The following ETV6 variants were observed in gnomAD, a reference collection of about 807,000 sequenced individuals.
ETV6 encodes ETS variant transcription factor 6.
Under a neutral mutation model 51.1 loss-of-function variants are expected in ETV6, and 16 were observed. That is an observed-to-expected ratio of 0.31 (90% CI 0.21 to 0.48). The LOEUF is 0.48. ETV6 is among the 20% of genes least tolerant of loss of function. The probability of loss-of-function intolerance (pLI) is 0.99; values close to 1 mark genes in which losing one functional copy is unlikely to be tolerated. For synonymous variants in ETV6, 240 were observed against 224.1 expected, an observed-to-expected ratio of 1.07 and a Z score of -0.64; for missense variants, 458 against 594.8, an observed-to-expected ratio of 0.77 and a Z score of 2.39.
chr12:11,807,680 T>C (rs1034387274), intron 2 of ETV6, among the ~76,000 whole-genome samples: 1 of 152,226 alleles, frequency 6.6e-6, no homozygotes, highest in Non-Finnish European at 1.5e-5. Flanking sequence ...ATGTCCTATT[T>C]ACAGAGGGAG....
chr12:11,869,795 C>G lies in ETV6; in HGVS notation c.835C>G (p.Leu279Val). The change falls in exon 5 of 8, where the codon CTG becomes GTG. Residue 279 changes from leucine to valine, a missense_variant. Leu to Val is a conservative substitution (Grantham distance 32). This residue lies in a region of ETV6 where 293 missense variants were observed against 315.7 expected (regional missense o/e 0.93). Transcript: ENST00000396373. This position sits in a 1 kb window ranked among gnomAD's most constrained non-coding sequence, Gnocchi z 5.0. The part of the protein sequence containing the change: ...MPSPIMHPLI[L>V]NPRHSVDFKQ... ...CAGCCCCATCATGCACCCTCTGATC[C>G]TGAACCCCCGGCACTCCGTGGATTT... 6.2e-7 allele frequency: 1 copy of G among 1,613,318 alleles called. No individual in the cohort carries two copies.
intron 1 of ETV6, among the ~76,000 whole-genome samples, chr12:11,683,092 C>T (rs60929814): frequency 0.012 from 1,870 of 152,326 alleles, 42 homozygotes; most frequent in African/African-American, 0.043. Flanking sequence ...ATCGCTCTCT[C>T]GCCCAGGCTT....
intron 2 of ETV6, among the ~76,000 whole-genome samples, chr12:11,807,447 T>C (rs1945845173): frequency 6.6e-6 from 1 of 152,158 alleles, no homozygotes; most frequent in South Asian, 2.1e-4. Context: ...ACGGTAACCC[T>C]GGGCAGGAAT....
In ETV6 at chr12:11,892,755, C is replaced by CTGAG. The variant is rs1555149123; in HGVS notation, c.*1711_*1714dup. The stretch of plus-strand genomic sequence containing the variant: ...CCCCTGGGCTTCTCCCCAGCTTTTT[C>CTGAG]TGAGTTGAGTCAGACATGTAGAGTT... On this transcript the variant is annotated 3_prime_UTR_variant, in exon 8 of 8. Coordinates refer to ENST00000396373, the MANE Select transcript of ETV6 (RefSeq NM_001987.5). The CTGAG allele has an allele frequency of 4.3e-6, 1 of 232,938 alleles. No individual in the cohort carries two copies. Among genetic ancestry groups the CTGAG allele is most frequent in the African/African-American group, 2.2e-5 (1 of 45,324 alleles). The allele number at this position is 232,938 out of a possible 1,614,324, so 14.4% of individuals were successfully genotyped here.
intron 5 of ETV6, among the ~76,000 whole-genome samples, chr12:11,876,573 C>T (rs1221852646): frequency 6.6e-6 from 1 of 152,222 alleles, no homozygotes; most frequent in Admixed American, 6.5e-5. Context: ...TAATCCAAAA[C>T]TCTGCTGAGG....
intron 3 of ETV6, among the ~76,000 whole-genome samples, chr12:11,850,716 A>G (rs562236855): frequency 2.0e-5 from 3 of 152,348 alleles, no homozygotes; most frequent in Admixed American, 6.5e-5. Flanking sequence ...TAGATGAGGA[A>G]ACTGAGGCCA....
chr12:11,797,420 A>G (rs1379823815), intron 2 of ETV6, among the ~76,000 whole-genome samples: 1 of 152,228 alleles, frequency 6.6e-6, no homozygotes, highest in African/African-American at 2.4e-5. Context: ...GCTGGCATCC[A>G]GCATTAACCT....
chr12:11,677,848 C>T (rs1245148320), intron 1 of ETV6, among the ~76,000 whole-genome samples: 2 of 152,234 alleles, frequency 1.3e-5, no homozygotes, highest in Admixed American at 1.3e-4. Flanking sequence ...GTAAAATTCA[C>T]TTGACATACA....
intron 5 of ETV6, among the ~76,000 whole-genome samples, chr12:11,883,590 C>T (rs537592173): frequency 3.9e-5 from 6 of 152,008 alleles, no homozygotes; most frequent in Non-Finnish European, 5.9e-5. Flanking sequence ...CCACCACGCC[C>T]GGCCATGTCT....
chr12:11,831,616 CCT>C (rs1946247888), intron 2 of ETV6, among the ~76,000 whole-genome samples: 2 of 152,190 alleles, frequency 1.3e-5, no homozygotes, highest in South Asian at 4.1e-4. Context: ...GGGAATATCA[CCT>C]ACAATTTTAC....
chr12:11,753,923 A>G (rs1297417445), intron 2 of ETV6, among the ~76,000 whole-genome samples: 1 of 152,192 alleles, frequency 6.6e-6, no homozygotes, highest in Non-Finnish European at 1.5e-5. Context: ...CTACTCTACC[A>G]TCTTTTCCTC....
chr12:11,755,147 C>G (rs1388075375), intron 2 of ETV6, among the ~76,000 whole-genome samples: 4 of 152,088 alleles, frequency 2.6e-5, no homozygotes, highest in Non-Finnish European at 5.9e-5. Context: ...CTGGTGTGGC[C>G]GTAGCATTGG....
rs1345866840 is a variant in ETV6 at position 11,757,555 on chromosome 12, A to G, written c.163+4976A>G. Among the ~76,000 whole-genome samples, 3 of 152,212 alleles carry G rather than the reference A, an allele frequency of 2.0e-5. No homozygotes were observed. The South Asian group carries it at 6.2e-4, about 32-fold the overall frequency. ...TACAGCAGTCCTTGAAGCAGGTGCT[A>G]TTGATTCTGTTTGATGAGCTGACCG... On this transcript the variant is annotated intron_variant, in intron 2 of 7. Coordinates refer to ENST00000396373, the MANE Select transcript of ETV6 (RefSeq NM_001987.5).
rs373205839 is a variant in ETV6 at position 11,779,863 on chromosome 12, T to C, written c.163+27284T>C. On this transcript the variant is annotated intron_variant, in intron 2 of 7. Coordinates refer to ENST00000396373, the MANE Select transcript of ETV6 (RefSeq NM_001987.5). ...AGATAAAAAGTGTGAAGAGAATTGC[T>C]GAGAAGTAACCATTCATTCCCTTCT... Among the ~76,000 whole-genome samples, 3 of 152,228 alleles carry C rather than the reference T, an allele frequency of 2.0e-5. No homozygotes were observed. The East Asian group carries it at 5.8e-4, about 29-fold the overall frequency.
At chr12:11,883,995 AC>A (rs917110162) in intron 5 of ETV6, among the ~76,000 whole-genome samples, 1 of 151,998 alleles carries the variant, frequency 6.6e-6, no homozygotes, top group Non-Finnish European at 1.5e-5. Context: ...CACCAGGATA[AC>A]CTTTTCACTC....
At chr12:11,882,651 A>G (rs2739084) in intron 5 of ETV6, among the ~76,000 whole-genome samples, 1 of 152,168 alleles carries the variant, frequency 6.6e-6, no homozygotes. Context: ...CTTCCCTCCC[A>G]TTATCACTAA....
At chr12:11,872,562 C>T (rs919312366) in intron 5 of ETV6, among the ~76,000 whole-genome samples, 4 of 149,336 alleles carry the variant, frequency 2.7e-5, no homozygotes, top group African/African-American at 7.4e-5. Context: ...GATGCAATCT[C>T]GGCTCATTGC....
Position 11,751,413 on chromosome 12 carries a change from T to C in ETV6, c.34-1037T>C, listed in dbSNP as rs1260096173. 5.8e-6 allele frequency: 3 copies of C among 519,050 alleles called. No homozygotes were observed. In the East Asian group the frequency reaches 1.6e-4, roughly 28 times the overall value. The allele number at this position is 519,050 out of a possible 1,614,324, so 32.2% of individuals were successfully genotyped here. On this transcript the variant is annotated intron_variant, in intron 1 of 7. Coordinates refer to ENST00000396373, the MANE Select transcript of ETV6 (RefSeq NM_001987.5). ...TATTTTTGGATGTTGTGTGTTCCAT[T>C]TTACATTGCCCAGTTAAACCACAGA...
At chr12:11,851,379 C>G (rs905105325) in intron 3 of ETV6, among the ~76,000 whole-genome samples, 11 of 152,068 alleles carry the variant, frequency 7.2e-5, no homozygotes, top group Admixed American at 2.6e-4. Context: ...AGTCATTACA[C>G]GAAACCAAAA....
Sources: allele counts gnomAD v4.1 joint callset (sites outside exome capture counted in the v4.1 genomes callset), GRCh38; gene constraint gnomAD v4.1.1; regional missense constraint gnomAD v4.1.1; non-coding constraint Gnocchi (gnomAD v3.1); transcripts MANE v1.5; gene names NCBI Gene and HGNC (gene_info 2026-07-23, HGNC 2026-07-21).